Variants in NSUN6 observed in about 807,000 individuals in gnomAD.
NSUN6 encodes the protein NOP2/Sun RNA methyltransferase 6.
In NSUN6, 64 loss-of-function variants were observed where a neutral mutation model predicts 58.0. That is an observed-to-expected ratio of 1.10 (90% CI 0.90 to 1.36). NSUN6 has a LOEUF of 1.36. Ranked by LOEUF, NSUN6 falls within the 40% of genes most tolerant of loss-of-function variation. The pLI is 0.00. For missense variants in NSUN6, 701 were observed against 550.1 expected, an observed-to-expected ratio of 1.27 and a Z score of -2.74; for synonymous variants, 231 against 193.9, an observed-to-expected ratio of 1.19 and a Z score of -1.59.
At chr10:18,623,437 G>A (rs529293077) in intron 3 of NSUN6, among the ~76,000 whole-genome samples, 1 of 152,318 alleles carries the variant, frequency 6.6e-6, no homozygotes, top group South Asian at 2.1e-4. Flanking sequence ...AAAATTGGCT[G>A]ACAGTGAACT....
chr10:18,597,304 G>A (rs138830106), intron 6 of NSUN6, among the ~76,000 whole-genome samples: 4 of 152,176 alleles, frequency 2.6e-5, no homozygotes, highest in African/African-American at 9.7e-5. Context: ...AAGAAAAACA[G>A]AGTCTTATAA....
intron 3 of NSUN6, among the ~76,000 whole-genome samples, chr10:18,641,419 G>A (rs2059388077): frequency 6.7e-6 from 1 of 148,692 alleles, no homozygotes; most frequent in African/African-American, 2.5e-5. Context: ...AGGCTGGACT[G>A]CAGTAGCACA....
chr10:18,560,196 A>G (rs1232338338), intron 8 of NSUN6, among the ~76,000 whole-genome samples: 1 of 149,950 alleles, frequency 6.7e-6, no homozygotes, highest in African/African-American at 2.5e-5. Context: ...TGGAATGGAA[A>G]ATGGAATGGA....
At chr10:18,577,028 A>C (rs987906772) in intron 8 of NSUN6, among the ~76,000 whole-genome samples, 6 of 152,202 alleles carry the variant, frequency 3.9e-5, no homozygotes, top group Non-Finnish European at 7.3e-5. Context: ...GCAGGATTTG[A>C]GTCAATATTT....
chr10:18,649,046 C>T (rs1302382942), intron 1 of NSUN6, among the ~76,000 whole-genome samples: 2 of 152,210 alleles, frequency 1.3e-5, no homozygotes, highest in South Asian at 4.2e-4. Context: ...AGCTAATTAG[C>T]TAACATCATA....
At chr10:18,600,954 A>AT in intron 6 of NSUN6, among the ~76,000 whole-genome samples, 1 of 95,144 alleles carries the variant, frequency 1.1e-5, no homozygotes, top group Middle Eastern at 4.6e-3. Flanking sequence ...ATATATATAT[A>AT]TATATACATA....
At chr10:18,627,772 C>G (rs537785384) in intron 3 of NSUN6, among the ~76,000 whole-genome samples, 1 of 152,260 alleles carries the variant, frequency 6.6e-6, no homozygotes, top group Admixed American at 6.5e-5. Flanking sequence ...CACGGAGTCT[C>G]GCTGATTGCT....
At chr10:18,592,345 T>C (rs1005803154) in intron 7 of NSUN6, among the ~76,000 whole-genome samples, 2 of 152,172 alleles carry the variant, frequency 1.3e-5, no homozygotes, top group African/African-American at 4.8e-5. Context: ...ACGATTGTCT[T>C]TCTTAGCAGA....
chr10:18,652,320 G>C (rs770282336), upstream of NSUN6: 4 of 984,282 alleles, frequency 4.1e-6, no homozygotes, highest in Non-Finnish European at 4.8e-6. Context: ...GTACAGGAAA[G>C]TCAAAATAAT....
chr10:18,557,648 CA>C (rs1352339492), intron 8 of NSUN6, among the ~76,000 whole-genome samples: 30 of 124,576 alleles, frequency 2.4e-4, no homozygotes, highest in African/African-American at 8.3e-4. Flanking sequence ...TGGAAAAGAG[CA>C]GAATGGAATG....
At chr10:18,634,419 C>G (rs917540439) in intron 3 of NSUN6, among the ~76,000 whole-genome samples, 1 of 152,060 alleles carries the variant, frequency 6.6e-6, no homozygotes, top group African/African-American at 2.4e-5. Context: ...ATACTATTGA[C>G]AAGAGAGCCA....
intron 8 of NSUN6, among the ~76,000 whole-genome samples, chr10:18,571,473 T>C (rs1456224335): frequency 6.6e-6 from 1 of 151,208 alleles, no homozygotes; most frequent in Non-Finnish European, 1.5e-5. Context: ...CAATCCATTC[T>C]CCATTCCATT....
chr10:18,570,873 A>G (rs1240165718), intron 8 of NSUN6, among the ~76,000 whole-genome samples: 1 of 148,142 alleles, frequency 6.8e-6, no homozygotes, highest in South Asian at 2.1e-4. Context: ...TCTCCACTGC[A>G]TTCCATAGCA....
At chr10:18,649,259 T>C (rs16917615) in intron 1 of NSUN6, among the ~76,000 whole-genome samples, 4,482 of 152,284 alleles carry the variant, frequency 0.029, 212 homozygotes, top group African/African-American at 0.1. Context: ...GACTCAACAA[T>C]ATTCCCTTGT....
chr10:18,602,514 G>A (rs1462079584), intron 6 of NSUN6, among the ~76,000 whole-genome samples: 1 of 151,900 alleles, frequency 6.6e-6, no homozygotes, highest in Non-Finnish European at 1.5e-5. Context: ...GATTACAGGC[G>A]TAACCCACCG....
At chr10:18,546,878 C>CA (rs1208016016) in intron 10 of NSUN6, among the ~76,000 whole-genome samples, 1 of 135,904 alleles carries the variant, frequency 7.4e-6, no homozygotes, top group Non-Finnish European at 1.6e-5. Flanking sequence ...TCTCAAAAAA[C>CA]AAAAAATGAA....
At chr10:18,586,241 C>A in intron 7 of NSUN6, 148 bp from the exon 8 acceptor site, 1 of 637,588 alleles carries the variant, frequency 1.6e-6, no homozygotes, top group Non-Finnish European at 2.6e-6. Flanking sequence ...ATCCATTAAC[C>A]AAATGTATGT....
At chr10:18,620,103 T>TGGG (rs1453676354) in intron 3 of NSUN6, among the ~76,000 whole-genome samples, 15 of 65,876 alleles carry the variant, frequency 2.3e-4, no homozygotes, top group Non-Finnish European at 1.8e-4. Flanking sequence ...TTTTTTTTTT[T>TGGG]TTGAGACGGA....
intron 3 of NSUN6, among the ~76,000 whole-genome samples, chr10:18,628,443 G>A (rs1197685475): frequency 6.6e-6 from 1 of 152,204 alleles, no homozygotes. Flanking sequence ...GGCTTCAGAC[G>A]ACCAAATTAC....
Sources: allele counts gnomAD v4.1 joint callset (sites outside exome capture counted in the v4.1 genomes callset), GRCh38; gene constraint gnomAD v4.1.1; transcripts MANE v1.5; gene names NCBI Gene and HGNC (gene_info 2026-07-23, HGNC 2026-07-21).